The following ARHGEF10 variants were observed in gnomAD, a reference collection of about 807,000 sequenced individuals.
ARHGEF10 encodes Rho guanine nucleotide exchange factor 10.
Under a neutral mutation model 147.4 loss-of-function variants are expected in ARHGEF10, and 140 were observed. The ratio of observed to expected loss-of-function variants is 0.95; its 90% CI spans 0.83 to 1.09. The LOEUF (loss-of-function observed/expected upper bound fraction) is 1.09. ARHGEF10 is among the 50% of genes least tolerant of loss of function. ARHGEF10 has a pLI of 0.00. For missense variants in ARHGEF10, 2,222 were observed against 1,752.7 expected (o/e 1.27, Z -4.78); for synonymous variants, 902 against 695.8 (o/e 1.30, Z -4.67).
At position 1,850,609 on chromosome 8, in the gene ARHGEF10, G is replaced by A. The variant is rs556735068; in HGVS notation, c.37+7173G>A. On this transcript the variant is annotated intron_variant, in intron 2 of 28. Coordinates refer to ENST00000349830, the MANE Select transcript of ARHGEF10 (RefSeq NM_014629.4). The stretch of plus-strand genomic sequence containing the variant: ...GGGTGCTGGCGGGTGGCTAGAGGGC[G>A]TGGGGCAGCCGCGTGGGAGGGCAGT... 9.2e-5 allele frequency among the ~76,000 whole-genome samples: 14 copies of A among 152,290 alleles called. No individual in the cohort carries two copies. The East Asian group carries it at 1.4e-3, about 15-fold the overall frequency.
At chr8:1,831,222 G>A (rs72507657) in intron 1 of ARHGEF10, among the ~76,000 whole-genome samples, 10,031 of 147,644 alleles carry the variant, frequency 0.068, 397 homozygotes, top group African/African-American at 0.1. Context: ...TGTGGCAGCC[G>A]TGGAGGGACA....
At chr8:1,923,283 C>A (rs373466107) in intron 19 of ARHGEF10, 185 bp from the exon 20 acceptor site, 1 of 978,208 alleles carries the variant, frequency 1.0e-6, no homozygotes. Flanking sequence ...GGTTTAATAT[C>A]AGTTCTATCT....
chr8:1,839,206 T>A (rs1430276781), intron 1 of ARHGEF10, among the ~76,000 whole-genome samples: 1 of 66,136 alleles, frequency 1.5e-5, no homozygotes, highest in Non-Finnish European at 2.9e-5. Flanking sequence ...GGGACTGTTT[T>A]GTGTGGGGAC....
In ARHGEF10 at chr8:1,925,415, G is replaced by A. The variant is rs1174540925; in HGVS notation, c.2610+11G>A. 6.2e-6 allele frequency: 10 copies of A among 1,613,666 alleles called. No homozygotes were observed. The highest frequency in any genetic ancestry group is 8.5e-6 in the Non-Finnish European group (10 of 1,179,964). On this transcript the variant is annotated intron_variant, in intron 22 of 28. Coordinates refer to ENST00000349830, the MANE Select transcript of ARHGEF10 (RefSeq NM_014629.4). ...CAGCAGGAGTTCAAGGTGAAGGGAG[G>A]CAGGGCCCGCGGCCCGGGGTGGGAC...
At chr8:1,869,095 A>G in intron 6 of ARHGEF10, 99 bp from the exon 7 acceptor site, 3 of 1,141,862 alleles carry the variant, frequency 2.6e-6, no homozygotes, top group Non-Finnish European at 2.7e-6. Context: ...CAACTTTTTG[A>G]ATAATCATGA....
intron 1 of ARHGEF10, among the ~76,000 whole-genome samples, chr8:1,828,878 CT>C (rs1306208108): frequency 1.4e-5 from 2 of 147,036 alleles, no homozygotes; most frequent in Non-Finnish European, 3.0e-5. Flanking sequence ...CTGTTTTATT[CT>C]ATCGTTTGCT....
At chr8:1,926,495 T>A (rs758042194) in intron 23 of ARHGEF10, 32 bp downstream of exon 23, 3 of 1,586,062 alleles carry the variant, frequency 1.9e-6, no homozygotes, top group Non-Finnish European at 2.6e-6. Context: ...TTGGTACAAG[T>A]TCACAGAGAA....
chr8:1,893,505 G>A, intron 11 of ARHGEF10, 64 bp from the exon 12 acceptor site: 4 of 1,101,346 alleles, frequency 3.6e-6, no homozygotes, highest in Admixed American at 3.4e-5. Flanking sequence ...CAGCATAGAA[G>A]TAAAATGTAT....
chr8:1,945,760 T>C, intron 27 of ARHGEF10, 105 bp downstream of exon 27: 1 of 1,484,260 alleles, frequency 6.7e-7, no homozygotes, highest in Non-Finnish European at 9.4e-7. Context: ...TGCAGGACAC[T>C]GTTCACAACA....
At chr8:1,887,778 T>A (rs62477544) in intron 11 of ARHGEF10, among the ~76,000 whole-genome samples, 1 of 137,218 alleles carries the variant, frequency 7.3e-6, no homozygotes. Flanking sequence ...AGGGTTGTGA[T>A]GAGACAGTGA....
intron 7 of ARHGEF10, among the ~76,000 whole-genome samples, chr8:1,875,254 G>A (rs1019351022): frequency 9.9e-5 from 15 of 151,536 alleles, no homozygotes; most frequent in East Asian, 7.8e-4. Flanking sequence ...ACACCAGGGC[G>A]TGTAGGGGGT....
At chr8:1,912,107 C>T (rs1239262080) in intron 18 of ARHGEF10, among the ~76,000 whole-genome samples, 4 of 152,168 alleles carry the variant, frequency 2.6e-5, no homozygotes, top group Admixed American at 2.6e-4. Context: ...GAGCGGGCAG[C>T]GTGGTAACCA....
chr8:1,873,098 C>A (rs1585340931), intron 7 of ARHGEF10, among the ~76,000 whole-genome samples: 1 of 152,218 alleles, frequency 6.6e-6, no homozygotes, highest in African/African-American at 2.4e-5. Flanking sequence ...AGTGTGTCCC[C>A]TTTGTAAGGA....
At position 1,952,726 on chromosome 8, in the gene ARHGEF10, CGAGCCT is replaced by C; in HGVS notation, c.3421_3426del (p.Ser1141_Leu1142del). The C allele has an allele frequency of 6.2e-7, 1 of 1,613,042 alleles. No individual in the cohort carries two copies. Among genetic ancestry groups the C allele is most frequent in the Non-Finnish European group, 8.5e-7 (1 of 1,179,936 alleles). ...CCAGGGCACCAGCGGCTGTCGGTGA[CGAGCCT>C]GCTCGTCTGCCACGGATTGCTGATG... is the stretch of plus-strand genomic sequence containing the variant. On this transcript the variant is annotated inframe_deletion, in exon 28 of 29. Transcript: ENST00000349830.
At chr8:1,888,720 G>A (rs1809041759) in intron 11 of ARHGEF10, among the ~76,000 whole-genome samples, 3 of 67,260 alleles carry the variant, frequency 4.5e-5, no homozygotes, top group Non-Finnish European at 7.6e-5. Context: ...AGGAGACACT[G>A]AATAGGGTGA....
rs1190043067 is a variant in ARHGEF10 at position 1,869,176 on chromosome 8, T to TC, written c.623-17dup. ...TTTGTTGGTCACTGTTTAAAGTGTT[T>TC]CTCCCCGTTTATTGCAGATCCAGAG... is the stretch of plus-strand genomic sequence containing the variant. On this transcript the variant is annotated splice_polypyrimidine_tract_variant and intron_variant, in intron 6 of 28. Coordinates refer to ENST00000349830, the MANE Select transcript of ARHGEF10 (RefSeq NM_014629.4). The TC allele has an allele frequency of 6.2e-7, 1 of 1,610,814 alleles. No individual in the cohort carries two copies. Among genetic ancestry groups the TC allele is most frequent in the African/African-American group, 1.3e-5 (1 of 74,898 alleles).
Position 1,905,559 on chromosome 8 carries a change from T to C in ARHGEF10, c.1822-12T>C, listed in dbSNP as rs1810818293. On this transcript the variant is annotated splice_polypyrimidine_tract_variant and intron_variant, in intron 16 of 28. Transcript: ENST00000349830. ...TGAACTGTGGTCCCTGGGCTGTGTTTTGAATGTCCAGCTTCTCAGCAGTGG... is the reference window on the plus strand; with the variant it reads ...TGAACTGTGGTCCCTGGGCTGTGTTCTGAATGTCCAGCTTCTCAGCAGTGG... The C allele has an allele frequency of 6.2e-7, 1 of 1,614,100 alleles. No individual in the cohort carries two copies. The highest frequency in any genetic ancestry group is 8.5e-7 in the Non-Finnish European group (1 of 1,180,048).
rs867196909 is a variant in ARHGEF10 at position 1,871,162 on chromosome 8, C to A, written c.679+1912C>A. On this transcript the variant is annotated intron_variant, in intron 7 of 28. Transcript: ENST00000349830. The stretch of plus-strand genomic sequence containing the variant: ...AGTAAACCATAAAAGATTAGAACAG[C>A]AATGTAGTATGATTGACTTGAAGGT... 26 of 142,334 alleles carry A rather than the reference C, an allele frequency of 1.8e-4. No homozygotes were observed. The Admixed American group carries it at 1.8e-3, about 10-fold the overall frequency. The allele number at this position is 142,334 out of a possible 1,614,324, so 8.8% of individuals were successfully genotyped here. A position where few individuals can be genotyped will look rare whatever the true frequency, so the allele number is the denominator to read the frequency against.
chr8:1,919,222 G>T (rs1408426377), intron 18 of ARHGEF10, among the ~76,000 whole-genome samples: 2 of 149,250 alleles, frequency 1.3e-5, no homozygotes, highest in East Asian at 4.0e-4. Flanking sequence ...CTGCTCCGTG[G>T]GTGATGGAGC....
Sources: gnomAD v4.1 joint callset for allele counts (sites outside exome capture counted in the v4.1 genomes callset) on GRCh38, gnomAD v4.1.1 for gene constraint, MANE v1.5 for transcripts, NCBI Gene and HGNC (gene_info 2026-07-23, HGNC 2026-07-21) for gene names.